GALNT2: variants seen among roughly 807,000 people sequenced by gnomAD.
GALNT2 encodes the protein UDP-GalNAc:polypeptide N-acetylgalactosaminyltransferase 2.
In GALNT2, 31 loss-of-function variants were observed where a neutral mutation model predicts 81.4. The observed-to-expected ratio is 0.38, with a 90% confidence interval of 0.29 to 0.51. The LOEUF is 0.51. GALNT2 is among the 20% of genes least tolerant of loss of function. The probability of loss-of-function intolerance (pLI) is 0.87; values close to 1 mark genes in which losing one functional copy is unlikely to be tolerated. For synonymous variants in GALNT2, 303 were observed against 287.4 expected, an observed-to-expected ratio of 1.05 and a Z score of -0.55; for missense variants, 629 against 765.7, an observed-to-expected ratio of 0.82 and a Z score of 2.11.
intron 1 of GALNT2, among the ~76,000 whole-genome samples, chr1:230,099,901 T>A (rs188101606): frequency 1.3e-5 from 2 of 152,340 alleles, no homozygotes; most frequent in East Asian, 3.9e-4. Flanking sequence ...TTATGAGACC[T>A]CCTGACTCTA....
chr1:230,069,995 C>G (rs1659325339), intron 1 of GALNT2, among the ~76,000 whole-genome samples: 1 of 152,176 alleles, frequency 6.6e-6, no homozygotes, highest in South Asian at 2.1e-4. Flanking sequence ...CCAGCCCAGG[C>G]TTGTCATTGT....
chr1:230,234,008 C>G (rs924517086), intron 3 of GALNT2, among the ~76,000 whole-genome samples: 3 of 152,068 alleles, frequency 2.0e-5, no homozygotes, highest in Non-Finnish European at 2.9e-5. Flanking sequence ...GGGCAGAACT[C>G]TATTGTGAAC....
At position 230,145,670 on chromosome 1, in the gene GALNT2, A is replaced by C. The variant is rs557450705; in HGVS notation, c.127-32548A>C. ...AGCCACCCACCTTGGCATAGTGCCA[A>C]TGGGGGCCTTGCCCCGTGTGGTGCC... On this transcript the variant is annotated intron_variant, in intron 1 of 15. Transcript: ENST00000366672. Among the ~76,000 whole-genome samples the C allele has an allele frequency of 6.6e-5, 10 of 152,324 alleles. No individual in the cohort carries two copies. The East Asian group carries it at 1.9e-3, about 29-fold the overall frequency.
intron 1 of GALNT2, among the ~76,000 whole-genome samples, chr1:230,133,623 T>C (rs1428178810): frequency 1.3e-5 from 2 of 152,072 alleles, no homozygotes; most frequent in Non-Finnish European, 2.9e-5. Context: ...CCAGCTAATT[T>C]TTTGTGTTTT....
intron 1 of GALNT2, among the ~76,000 whole-genome samples, chr1:230,173,291 G>A (rs1185217915): frequency 1.3e-5 from 2 of 152,158 alleles, no homozygotes; most frequent in Non-Finnish European, 2.9e-5. Flanking sequence ...GCCAGGCAGG[G>A]CAGCAGCGTT....
chr1:230,159,918 G>A (rs1012903373), intron 1 of GALNT2, among the ~76,000 whole-genome samples: 1 of 152,190 alleles, frequency 6.6e-6, no homozygotes, highest in Non-Finnish European at 1.5e-5. Flanking sequence ...GGAGGAGTCA[G>A]CTGCTGTGCC....
intron 1 of GALNT2, among the ~76,000 whole-genome samples, chr1:230,121,893 T>C (rs1455789392): frequency 6.6e-6 from 1 of 152,120 alleles, no homozygotes; most frequent in Non-Finnish European, 1.5e-5. Flanking sequence ...ATAACGTTTA[T>C]TTTTTGATAT....
chr1:230,237,885 T>G lies in GALNT2; in HGVS notation c.607+1160T>G, dbSNP rs145501550. Among the ~76,000 whole-genome samples the G allele has an allele frequency of 2.2e-3, 329 of 151,840 alleles. 1 individual carries two copies. Among genetic ancestry groups the G allele is most frequent in the African/African-American group, 7.7e-3 (318 of 41,428 alleles). On this transcript the variant is annotated intron_variant, in intron 6 of 15. Coordinates refer to ENST00000366672, the MANE Select transcript of GALNT2 (RefSeq NM_004481.5). Reference sequence around the variant, plus strand: ...GAAGTGGGGAAGGAGGAAAGAGAGATAGTGTTGGCACTGTAAATCACTTAT... The same window carrying G: ...GAAGTGGGGAAGGAGGAAAGAGAGAGAGTGTTGGCACTGTAAATCACTTAT...
chr1:230,225,399 C>T (rs1482808887), intron 3 of GALNT2, among the ~76,000 whole-genome samples: 1 of 152,162 alleles, frequency 6.6e-6, no homozygotes, highest in Non-Finnish European at 1.5e-5. Context: ...GCATCCGCAG[C>T]CCAGTTTGGG....
chr1:230,175,594 CCTCCTCGTCCT>C (rs1662947281), intron 1 of GALNT2, among the ~76,000 whole-genome samples: 1 of 81,518 alleles, frequency 1.2e-5, no homozygotes, highest in African/African-American at 7.8e-5. Flanking sequence ...CTCCTCGTCC[CCTCCTCGTCCT>C]CCTCCTCCCC....
intron 1 of GALNT2, among the ~76,000 whole-genome samples, chr1:230,085,317 G>A (rs1359179712): frequency 6.6e-6 from 1 of 152,132 alleles, no homozygotes; most frequent in Non-Finnish European, 1.5e-5. Context: ...TGTTTATGAG[G>A]AACATCTGAG....
intron 1 of GALNT2, among the ~76,000 whole-genome samples, chr1:230,141,710 T>C (rs1239249022): frequency 6.6e-6 from 1 of 152,088 alleles, no homozygotes; most frequent in Non-Finnish European, 1.5e-5. Context: ...CGTGGGTCCT[T>C]ATGGCTATTG....
At chr1:230,258,408 T>C (rs1431014635) in intron 11 of GALNT2, among the ~76,000 whole-genome samples, 1 of 150,608 alleles carries the variant, frequency 6.6e-6, no homozygotes, top group East Asian at 2.0e-4. Flanking sequence ...TTTGTATTTT[T>C]AGTAGTACAT....
intron 1 of GALNT2, among the ~76,000 whole-genome samples, chr1:230,117,120 G>A (rs1558091579): frequency 6.6e-6 from 1 of 152,236 alleles, no homozygotes; most frequent in Admixed American, 6.5e-5. Context: ...CACGTTTATG[G>A]TATGGAGGTG....
intron 1 of GALNT2, among the ~76,000 whole-genome samples, chr1:230,088,593 A>G (rs1466144805): frequency 6.7e-6 from 1 of 148,662 alleles, no homozygotes; most frequent in Non-Finnish European, 1.5e-5. Flanking sequence ...GCTGGAGTGC[A>G]GTGGCGCTAT....
chr1:230,249,702 C>T (rs1362668768), intron 9 of GALNT2, among the ~76,000 whole-genome samples: 13 of 152,248 alleles, frequency 8.5e-5, no homozygotes, highest in Admixed American at 7.2e-4. Flanking sequence ...ATTCCCAGGC[C>T]GGGCGGTGGG....
chr1:230,089,778 A>G (rs1488906406), intron 1 of GALNT2, among the ~76,000 whole-genome samples: 1 of 152,226 alleles, frequency 6.6e-6, no homozygotes, highest in South Asian at 2.1e-4. Flanking sequence ...AGTTCATTCT[A>G]TGGACATACA....
chr1:230,118,092 A>G (rs1420965052), intron 1 of GALNT2, among the ~76,000 whole-genome samples: 1 of 152,228 alleles, frequency 6.6e-6, no homozygotes, highest in Non-Finnish European at 1.5e-5. Context: ...ATCATTCAGT[A>G]TGTAGCCTTT....
At chr1:230,069,266 T>TTTTGTTTTG (rs112582134) in intron 1 of GALNT2, among the ~76,000 whole-genome samples, 4,136 of 148,788 alleles carry the variant, frequency 0.028, 189 homozygotes, top group African/African-American at 0.098. Context: ...AGTTTGTTTT[T>TTTTGTTTTG]TTTTGTTTTG....
Sources: gnomAD v4.1 joint callset for allele counts (sites outside exome capture counted in the v4.1 genomes callset) on GRCh38, gnomAD v4.1.1 for gene constraint, MANE v1.5 for transcripts, NCBI Gene and HGNC (gene_info 2026-07-23, HGNC 2026-07-21) for gene names.